The following SYNDIG1 variants were observed in gnomAD, a reference collection of about 807,000 sequenced individuals.
SYNDIG1 encodes synapse differentiation-inducing gene protein 1.
Under a neutral mutation model 19.4 loss-of-function variants are expected in SYNDIG1, and 9 were observed. The observed-to-expected ratio is 0.46, with a 90% CI of 0.28 to 0.81. The LOEUF is 0.81. Ranked by LOEUF, SYNDIG1 falls within the 30% of genes least tolerant of loss-of-function variation. The pLI, the probability that SYNDIG1 is intolerant of heterozygous loss-of-function variation, is 0.12. For missense variants in SYNDIG1, 311 were observed against 343.3 expected, an observed-to-expected ratio of 0.91 and a Z score of 0.74; for synonymous variants, 141 against 145.9, an observed-to-expected ratio of 0.97 and a Z score of 0.24.
intron 1 of SYNDIG1, among the ~76,000 whole-genome samples, chr20:24,498,265 C>T (rs147725120): frequency 2.0e-5 from 3 of 152,276 alleles, no homozygotes; most frequent in African/African-American, 7.2e-5. Context: ...CCAAAAGCTT[C>T]CTCCCACCCC....
At chr20:24,647,048 G>A (rs760071320) in intron 3 of SYNDIG1, among the ~76,000 whole-genome samples, 63 of 152,160 alleles carry the variant, frequency 4.1e-4, no homozygotes, top group Non-Finnish European at 8.2e-4. Context: ...CGACCCTCAC[G>A]TAGTCTTTTG....
At chr20:24,655,354 A>G (rs2059514315) in intron 3 of SYNDIG1, among the ~76,000 whole-genome samples, 2 of 152,180 alleles carry the variant, frequency 1.3e-5, no homozygotes, top group African/African-American at 4.8e-5. Flanking sequence ...CAAAATAATG[A>G]CCATATTAGG....
chr20:24,650,648 G>T (rs1210624339), intron 3 of SYNDIG1, among the ~76,000 whole-genome samples: 2 of 152,204 alleles, frequency 1.3e-5, no homozygotes, highest in Non-Finnish European at 2.9e-5. Context: ...CAGCCTCCCA[G>T]CTAGGACAGC....
chr20:24,528,184 A>C (rs772367732), intron 1 of SYNDIG1, among the ~76,000 whole-genome samples: 7 of 152,212 alleles, frequency 4.6e-5, no homozygotes, highest in Non-Finnish European at 1.0e-4. Flanking sequence ...TAGAAATAAC[A>C]GTTTGTCCAT....
intron 1 of SYNDIG1, among the ~76,000 whole-genome samples, chr20:24,523,904 G>A (rs1180855205): frequency 6.6e-6 from 1 of 152,162 alleles, no homozygotes; most frequent in Admixed American, 6.5e-5. Context: ...CTGGCCAGCT[G>A]CCATGCAGAG....
chr20:24,563,773 T>C (rs951415492), intron 2 of SYNDIG1, among the ~76,000 whole-genome samples: 1 of 152,188 alleles, frequency 6.6e-6, no homozygotes, highest in Non-Finnish European at 1.5e-5. Context: ...AGCTAATTTT[T>C]GTATTTGTTT....
intron 3 of SYNDIG1, among the ~76,000 whole-genome samples, chr20:24,597,405 A>C (rs1361445500): frequency 1.3e-5 from 2 of 152,146 alleles, no homozygotes; most frequent in African/African-American, 2.4e-5. Flanking sequence ...AGCTCAAGAC[A>C]TTAAAGACCA....
At chr20:24,482,514 C>T (rs1765109903) in intron 1 of SYNDIG1, among the ~76,000 whole-genome samples, 1 of 152,184 alleles carries the variant, frequency 6.6e-6, no homozygotes, top group Non-Finnish European at 1.5e-5. Flanking sequence ...GGTTGAATCT[C>T]TTGTCTTGAA....
At chr20:24,504,680 CT>C (rs2056543053) in intron 1 of SYNDIG1, among the ~76,000 whole-genome samples, 1 of 152,204 alleles carries the variant, frequency 6.6e-6, no homozygotes, top group Admixed American at 6.5e-5. Context: ...AGAACAGCTT[CT>C]ACTTCAAAGA....
At chr20:24,608,271 C>T (rs535909568) in intron 3 of SYNDIG1, among the ~76,000 whole-genome samples, 2 of 152,086 alleles carry the variant, frequency 1.3e-5, no homozygotes, top group African/African-American at 2.4e-5. Flanking sequence ...CTCCGCCTCC[C>T]GGGTTCTAGC....
intron 1 of SYNDIG1, among the ~76,000 whole-genome samples, chr20:24,504,640 G>C (rs1265838560): frequency 6.6e-6 from 1 of 152,162 alleles, no homozygotes; most frequent in Non-Finnish European, 1.5e-5. Context: ...AATGAATCCG[G>C]ATCCAAACTT....
intron 3 of SYNDIG1, among the ~76,000 whole-genome samples, chr20:24,654,650 G>GAGGGAGGAAGGA (rs1374663588): frequency 2.4e-4 from 28 of 117,452 alleles, no homozygotes; most frequent in African/African-American, 3.1e-4. Flanking sequence ...GGGAGGGAGG[G>GAGGGAGGAAGGA]AGGAAGGAAG....
At chr20:24,469,818 G>C (rs2055363420) in intron 1 of SYNDIG1, 65 bp downstream of exon 1, 1 of 152,194 alleles carries the variant, frequency 6.6e-6, no homozygotes, top group Admixed American at 6.6e-5. Flanking sequence ...GGTCGCGGCA[G>C]GGGCCGCGAG....
At chr20:24,469,825 C>G (rs2055364190) in intron 1 of SYNDIG1, 72 bp downstream of exon 1, 2 of 152,134 alleles carry the variant, frequency 1.3e-5, no homozygotes, top group Admixed American at 1.3e-4. Context: ...GCAGGGGCCG[C>G]GAGCTGGCGG....
At chr20:24,472,204 G>A (rs958794808) in intron 1 of SYNDIG1, among the ~76,000 whole-genome samples, 2 of 152,168 alleles carry the variant, frequency 1.3e-5, no homozygotes, top group African/African-American at 2.4e-5. Context: ...TACTTGAGGC[G>A]TACAGGGGTG....
At position 24,664,333 on chromosome 20, in the gene SYNDIG1, A is replaced by G. The variant is rs140598306; in HGVS notation, c.619-1013A>G. Among the ~76,000 whole-genome samples the G allele has an allele frequency of 2.1e-3, 312 of 152,126 alleles. 3 individuals carry two copies. The highest frequency in any genetic ancestry group is 7.0e-3 in the African/African-American group (290 of 41,532). ...GCCGACTCCCATACTCACCTATAAA[A>G]CCTAGTAATGTCACTGACCTTAGGT... is the stretch of plus-strand genomic sequence containing the variant. On this transcript the variant is annotated intron_variant, in intron 3 of 3. Transcript: ENST00000376862.
intron 3 of SYNDIG1, among the ~76,000 whole-genome samples, chr20:24,646,419 G>A (rs750120706): frequency 3.3e-5 from 5 of 152,282 alleles, no homozygotes; most frequent in Admixed American, 2.0e-4. Flanking sequence ...GATCTCTCAC[G>A]AGTAGATGAA....
intron 1 of SYNDIG1, among the ~76,000 whole-genome samples, chr20:24,499,427 A>G (rs2056387640): frequency 6.6e-6 from 1 of 152,232 alleles, no homozygotes; most frequent in African/African-American, 2.4e-5. Context: ...CCAGTGGCAC[A>G]GTTATTTCTG....
intron 1 of SYNDIG1, among the ~76,000 whole-genome samples, chr20:24,520,357 G>T (rs1365245750): frequency 6.6e-6 from 1 of 151,974 alleles, no homozygotes; most frequent in East Asian, 1.9e-4. Flanking sequence ...TATGTTTGAG[G>T]TTCTTATATT....
Sources: allele counts gnomAD v4.1 joint callset (sites outside exome capture counted in the v4.1 genomes callset), GRCh38; gene constraint gnomAD v4.1.1; transcripts MANE v1.5; gene names NCBI Gene and HGNC (gene_info 2026-07-23, HGNC 2026-07-21).